The following TNFRSF19 variants were observed in gnomAD, a reference collection of about 807,000 sequenced individuals.
TNFRSF19 encodes the protein TNF receptor superfamily member 19.
Under a neutral mutation model 46.4 loss-of-function variants are expected in TNFRSF19, and 27 were observed. The ratio of observed to expected loss-of-function variants is 0.58; its 90% CI spans 0.43 to 0.80. TNFRSF19 has a LOEUF of 0.80. Ranked by LOEUF, TNFRSF19 falls within the 30% of genes least tolerant of loss-of-function variation. The pLI, the probability that TNFRSF19 is intolerant of heterozygous loss-of-function variation, is 0.00. For missense variants in TNFRSF19, 511 were observed against 530.8 expected, an observed-to-expected ratio of 0.96 and a Z score of 0.37; for synonymous variants, 204 against 205.0, an observed-to-expected ratio of 1.00 and a Z score of 0.04.
chr13:23,647,736 C>A (rs1002899646), intron 5 of TNFRSF19, among the ~76,000 whole-genome samples: 1 of 152,216 alleles, frequency 6.6e-6, no homozygotes, highest in South Asian at 2.1e-4. Flanking sequence ...GGTCTCTGAT[C>A]TATTTTTAGT....
At chr13:23,658,974 G>T in intron 5 of TNFRSF19, 76 bp from the exon 6 acceptor site, 1 of 1,595,050 alleles carries the variant, frequency 6.3e-7, no homozygotes, top group Non-Finnish European at 8.5e-7. Flanking sequence ...CACTGGTAAG[G>T]GTGCCTGCCA....
In TNFRSF19 at chr13:23,645,261, C is replaced by T. The variant is rs189217530; in HGVS notation, c.446-13789C>T. 2.9e-3 allele frequency among the ~76,000 whole-genome samples: 435 copies of T among 152,208 alleles called. 2 individuals carry two copies. The highest frequency in any genetic ancestry group is 9.8e-3 in the African/African-American group (409 of 41,532). On this transcript the variant is annotated intron_variant, in intron 5 of 9. Coordinates refer to ENST00000248484, the MANE Select transcript of TNFRSF19 (RefSeq NM_148957.4). ...TATGTTGCCCAGGCTGGAATGCAGTCGTGTGATCTCAGCTCACCACAACCT... is the reference window on the plus strand; with the variant it reads ...TATGTTGCCCAGGCTGGAATGCAGTTGTGTGATCTCAGCTCACCACAACCT...
At chr13:23,612,664 A>G (rs1184937172) in intron 3 of TNFRSF19, among the ~76,000 whole-genome samples, 1 of 152,232 alleles carries the variant, frequency 6.6e-6, no homozygotes, top group East Asian at 1.9e-4. Context: ...TACATTTTTG[A>G]AAATAGTAAA....
chr13:23,668,689 C>G lies in TNFRSF19; in HGVS notation c.840-3C>G. 6.2e-7 allele frequency: 1 copy of G among 1,610,064 alleles called. No homozygotes were observed. Among genetic ancestry groups the G allele is most frequent in the Non-Finnish European group, 8.5e-7 (1 of 1,178,044 alleles). On this transcript the variant is annotated splice_region_variant and splice_polypyrimidine_tract_variant and intron_variant, in intron 8 of 9. Coordinates refer to ENST00000248484, the MANE Select transcript of TNFRSF19 (RefSeq NM_148957.4). ...CTTTAAGTTCTTTTGAACGTGTGTG[C>G]AGAAACGCAGGCCCAGCCGGGGAGA...
At chr13:23,607,334 T>C (rs1015933059) in intron 3 of TNFRSF19, among the ~76,000 whole-genome samples, 5 of 152,124 alleles carry the variant, frequency 3.3e-5, no homozygotes, top group African/African-American at 7.2e-5. Context: ...CTCAGGAGGC[T>C]GAGGCAGGAG....
chr13:23,599,132 C>G (rs993157019), intron 3 of TNFRSF19, among the ~76,000 whole-genome samples: 5 of 152,186 alleles, frequency 3.3e-5, no homozygotes, highest in African/African-American at 1.2e-4. Context: ...TGTGTGATAT[C>G]TCATTAACAG....
intron 1 of TNFRSF19, chr13:23,585,343 A>G (rs985794974): frequency 2.0e-5 from 3 of 152,230 alleles, no homozygotes; most frequent in Non-Finnish European, 4.4e-5. Flanking sequence ...TAGAATTATT[A>G]CAAAGCACAT....
chr13:23,594,680 G>A (rs1453884321), intron 3 of TNFRSF19, among the ~76,000 whole-genome samples: 1 of 152,214 alleles, frequency 6.6e-6, no homozygotes, highest in East Asian at 1.9e-4. Flanking sequence ...GTGGCTGTGG[G>A]TGCAGCTTCA....
At chr13:23,620,075 A>AT (rs917569689) in intron 4 of TNFRSF19, among the ~76,000 whole-genome samples, 1 of 152,150 alleles carries the variant, frequency 6.6e-6, no homozygotes, top group Non-Finnish European at 1.5e-5. Flanking sequence ...TTAAAATCCC[A>AT]TTTTTTTCTA....
chr13:23,666,104 A>T (rs1735599720), intron 7 of TNFRSF19, among the ~76,000 whole-genome samples: 1 of 152,216 alleles, frequency 6.6e-6, no homozygotes, highest in South Asian at 2.1e-4. Flanking sequence ...CAGGAGGCAG[A>T]GTTGTCCATC....
intron 5 of TNFRSF19, among the ~76,000 whole-genome samples, chr13:23,635,798 A>G (rs147205981): frequency 5.9e-5 from 9 of 152,354 alleles, no homozygotes; most frequent in Non-Finnish European, 1.0e-4. Context: ...TTAAATATTT[A>G]AGAAACATTT....
chr13:23,608,665 C>T (rs576702164), intron 3 of TNFRSF19, among the ~76,000 whole-genome samples: 7 of 152,266 alleles, frequency 4.6e-5, no homozygotes, highest in East Asian at 1.9e-4. Context: ...CTAGCCACTG[C>T]GGTTACTGAA....
chr13:23,620,797 G>T (rs1238116777), intron 4 of TNFRSF19, among the ~76,000 whole-genome samples: 2 of 152,202 alleles, frequency 1.3e-5, no homozygotes, highest in Non-Finnish European at 2.9e-5. Flanking sequence ...TGGCTCAGGG[G>T]AACTGGAACC....
At chr13:23,596,195 G>T (rs1361743157) in intron 3 of TNFRSF19, among the ~76,000 whole-genome samples, 1 of 152,116 alleles carries the variant, frequency 6.6e-6, no homozygotes, top group Non-Finnish European at 1.5e-5. Flanking sequence ...TGAAGAAACT[G>T]CATCAACAGG....
chr13:23,625,953 TTTAA>T (rs1881971391), intron 4 of TNFRSF19, among the ~76,000 whole-genome samples: 1 of 152,234 alleles, frequency 6.6e-6, no homozygotes, highest in Admixed American at 6.5e-5. Flanking sequence ...TGCTTTTCAG[TTTAA>T]TTATGAAATT....
intron 7 of TNFRSF19, among the ~76,000 whole-genome samples, chr13:23,666,404 A>G (rs892301210): frequency 1.3e-5 from 2 of 152,112 alleles, no homozygotes; most frequent in African/African-American, 4.8e-5. Flanking sequence ...GTAAGGAGGA[A>G]CTTTCGTTCT....
rs114166345 is a variant in TNFRSF19 at position 23,585,233 on chromosome 13, A to G, written c.-34-4917A>G. 3.0e-3 allele frequency among the ~76,000 whole-genome samples: 461 copies of G among 152,334 alleles called. 3 individuals carry two copies. Among genetic ancestry groups the G allele is most frequent in the African/African-American group, 0.011 (437 of 41,574 alleles). On this transcript the variant is annotated intron_variant, in intron 1 of 9. Transcript: ENST00000248484. Reference sequence around the variant, plus strand: ...GTTTTTTTGATGAAAACTGTTACCAATTGCATGCACTGCATCTGTTGGATA... The same window carrying G: ...GTTTTTTTGATGAAAACTGTTACCAGTTGCATGCACTGCATCTGTTGGATA...
chr13:23,673,997 CAG>C lies in TNFRSF19; in HGVS notation c.*620_*621del, dbSNP rs1951793194. The C allele has an allele frequency of 6.6e-6, 1 of 152,162 alleles. No individual in the cohort carries two copies. Among genetic ancestry groups the C allele is most frequent in the Non-Finnish European group, 1.5e-5 (1 of 68,038 alleles). 9.4% of individuals were successfully genotyped at this position (152,162 alleles called of 1,614,324 possible). A position where few individuals can be genotyped will look rare whatever the true frequency, so the allele number is the denominator to read the frequency against. On this transcript the variant is annotated 3_prime_UTR_variant, in exon 10 of 10. Coordinates refer to ENST00000248484, the MANE Select transcript of TNFRSF19 (RefSeq NM_148957.4). ...AGTTTACTGAATCAGAGGAATCAGACAGAGGAGGATAGCTCTTTCCAGAATCC... is the reference window on the plus strand; with the variant it reads ...AGTTTACTGAATCAGAGGAATCAGACAGGAGGATAGCTCTTTCCAGAATCC...
At chr13:23,671,684 T>TC (rs1951763998) in intron 9 of TNFRSF19, among the ~76,000 whole-genome samples, 1 of 151,982 alleles carries the variant, frequency 6.6e-6, no homozygotes, top group African/African-American at 2.4e-5. Flanking sequence ...AACCCACATT[T>TC]CCCCCAACAG....
Sources: allele counts gnomAD v4.1 joint callset (sites outside exome capture counted in the v4.1 genomes callset), GRCh38; gene constraint gnomAD v4.1.1; transcripts MANE v1.5; gene names NCBI Gene and HGNC (gene_info 2026-07-23, HGNC 2026-07-21).